The following PMS1 variants were observed in gnomAD, a reference collection of about 807,000 sequenced individuals.
The protein encoded by PMS1 is PMS1 homolog 1, mismatch repair system component, also known as PMS1 protein homolog 1.
PMS1 carries 79 observed loss-of-function variants against 93.1 expected under a neutral mutation model. That is an observed-to-expected ratio of 0.85 (90% CI 0.71 to 1.02). PMS1 has a LOEUF of 1.02. PMS1 is among the 50% of genes least tolerant of loss of function. The pLI is 0.00. For synonymous variants in PMS1, 335 were observed against 363.4 expected (o/e 0.92, Z 0.89); for missense variants, 1,064 against 1,085.3 (o/e 0.98, Z 0.28).
intron 6 of PMS1, among the ~76,000 whole-genome samples, chr2:189,846,892 TGC>T: frequency 6.6e-6 from 1 of 151,368 alleles, no homozygotes. Context: ...GACAGTCTCT[TGC>T]TCTGTCACCC....
At chr2:189,795,669 A>G in intron 2 of PMS1, 100 bp from the exon 3 acceptor site, 8 of 956,578 alleles carry the variant, frequency 8.4e-6, no homozygotes, top group Non-Finnish European at 1.3e-5. Context: ...GCTTCCATAA[A>G]AGTAAATAAA....
chr2:189,848,151 C>T (rs1253188701), intron 6 of PMS1, among the ~76,000 whole-genome samples: 1 of 152,150 alleles, frequency 6.6e-6, no homozygotes, highest in Non-Finnish European at 1.5e-5. Flanking sequence ...CTGCTGGATT[C>T]CTCGTAGCTT....
chr2:189,791,328 G>A (rs116275586), intron 1 of PMS1, among the ~76,000 whole-genome samples: 3,894 of 152,216 alleles, frequency 0.026, 77 homozygotes, highest in Non-Finnish European at 0.043. Flanking sequence ...ATAAGAAATA[G>A]AAGACTTATG....
Position 189,858,046 on chromosome 2 carries a change from G to T in PMS1, c.1856+2918G>T, listed in dbSNP as rs574499155. 1.4e-4 allele frequency among the ~76,000 whole-genome samples: 21 copies of T among 152,230 alleles called. No homozygotes were observed. In the East Asian group the frequency reaches 3.5e-3, roughly 25 times the overall value. Reference sequence around the variant, plus strand: ...GAAGGTGAGGGATGGATAATGGAAGGTTCTCAAAGCTATAACAAAGAGTTT... The same window carrying T: ...GAAGGTGAGGGATGGATAATGGAAGTTTCTCAAAGCTATAACAAAGAGTTT... On this transcript the variant is annotated intron_variant, in intron 9 of 12. Transcript: ENST00000441310.
intron 9 of PMS1, among the ~76,000 whole-genome samples, chr2:189,859,982 A>T (rs1344166694): frequency 1.3e-5 from 2 of 151,504 alleles, no homozygotes; most frequent in African/African-American, 4.8e-5. Context: ...TAAAGCAGAT[A>T]TATAAGGAAT....
chr2:189,786,325 G>A (rs563902084), intron 1 of PMS1, among the ~76,000 whole-genome samples: 9 of 152,248 alleles, frequency 5.9e-5, no homozygotes, highest in South Asian at 2.1e-4. Flanking sequence ...AACCCTATAG[G>A]TGGTTGAGAT....
intron 5 of PMS1, among the ~76,000 whole-genome samples, chr2:189,827,305 C>T (rs558196018): frequency 1.3e-5 from 2 of 152,122 alleles, no homozygotes; most frequent in African/African-American, 4.8e-5. Context: ...ACAATAATAC[C>T]CAGAGAATCC....
chr2:189,804,918 G>T (rs1016218965), intron 3 of PMS1, among the ~76,000 whole-genome samples: 1 of 151,712 alleles, frequency 6.6e-6, no homozygotes, highest in Non-Finnish European at 1.5e-5. Flanking sequence ...TCTGACAATG[G>T]CATATTTTAC....
chr2:189,875,651 CA>C (rs2106554880), intron 12 of PMS1, among the ~76,000 whole-genome samples: 1 of 151,914 alleles, frequency 6.6e-6, no homozygotes, highest in East Asian at 1.9e-4. Flanking sequence ...GGAAGACTGA[CA>C]ATAAAAAATT....
In PMS1 at chr2:189,844,217, C is replaced by G. The variant is rs1233259; in HGVS notation, c.699+137C>G. On this transcript the variant is annotated intron_variant, in intron 6 of 12. Coordinates refer to ENST00000441310, the MANE Select transcript of PMS1 (RefSeq NM_000534.5). ...AAATATGTGTGTAAGGTAAAACAGTCAATACAGAGCTTATGTTAAACCTCT... is the reference window on the plus strand; with the variant it reads ...AAATATGTGTGTAAGGTAAAACAGTGAATACAGAGCTTATGTTAAACCTCT... The G allele has an allele frequency of 6.6e-4, 913 of 1,375,582 alleles. 5 individuals carry two copies. The African/African-American group carries it at 0.012, about 19-fold the overall frequency. 85.2% of individuals were successfully genotyped at this position (1,375,582 alleles called of 1,614,324 possible).
chr2:189,798,012 C>T (rs1383180475), intron 3 of PMS1, among the ~76,000 whole-genome samples: 1 of 152,200 alleles, frequency 6.6e-6, no homozygotes, highest in East Asian at 1.9e-4. Context: ...ACAGCTTAGC[C>T]TAACCTACTT....
intron 5 of PMS1, among the ~76,000 whole-genome samples, chr2:189,838,950 G>A (rs546014736): frequency 2.6e-5 from 4 of 152,116 alleles, no homozygotes; most frequent in Admixed American, 6.5e-5. Flanking sequence ...CATGTCTTTC[G>A]TAAAAGCTGA....
At chr2:189,828,082 C>A (rs1251609271) in intron 5 of PMS1, among the ~76,000 whole-genome samples, 1 of 147,628 alleles carries the variant, frequency 6.8e-6, no homozygotes, top group African/African-American at 2.6e-5. Context: ...TACCACCACG[C>A]CCGGCTAATT....
intron 1 of PMS1, among the ~76,000 whole-genome samples, chr2:189,786,063 T>G (rs964008179): frequency 1.3e-5 from 2 of 152,024 alleles, no homozygotes; most frequent in Non-Finnish European, 2.9e-5. Context: ...AGGCAGAGGT[T>G]GCAGTGAGCC....
intron 5 of PMS1, among the ~76,000 whole-genome samples, chr2:189,842,954 C>A (rs979079721): frequency 6.7e-6 from 1 of 150,190 alleles, no homozygotes; most frequent in Non-Finnish European, 1.5e-5. Context: ...TTTGCAGATA[C>A]AAAGTATTTA....
intron 5 of PMS1, among the ~76,000 whole-genome samples, chr2:189,842,164 G>A (rs954788064): frequency 1.8e-4 from 28 of 151,616 alleles, no homozygotes; most frequent in Non-Finnish European, 5.9e-5. Flanking sequence ...CTTGATTGCC[G>A]TTTAGCCAGC....
chr2:189,867,857 AGATACAGT>A lies in PMS1; in HGVS notation c.2403_2410del (p.Tyr802IlefsTer6). The A allele has an allele frequency of 6.3e-7, 1 of 1,593,330 alleles. No homozygotes were observed. Among genetic ancestry groups the A allele is most frequent in the Non-Finnish European group, 8.6e-7 (1 of 1,161,202 alleles). ...ATATAAAATGACAGCAGATGACCAA[AGATACAGT>A]GGATCAACTTACCTGTCTGATCCTC... On this transcript the variant is annotated frameshift_variant, in exon 11 of 13. Coordinates refer to ENST00000441310, the MANE Select transcript of PMS1 (RefSeq NM_000534.5). LOFTEE classifies it high-confidence loss of function.
At chr2:189,831,789 A>T (rs1233266) in intron 5 of PMS1, among the ~76,000 whole-genome samples, 3,981 of 151,096 alleles carry the variant, frequency 0.026, 159 homozygotes, top group African/African-American at 0.085. Flanking sequence ...AAATTTAAAA[A>T]TTTTTTTTTT....
At chr2:189,796,967 A>T (rs1214963350) in intron 3 of PMS1, among the ~76,000 whole-genome samples, 1 of 152,220 alleles carries the variant, frequency 6.6e-6, no homozygotes, top group Non-Finnish European at 1.5e-5. Context: ...TTTTGCATTT[A>T]AAAATTGTAT....
Sources: gnomAD v4.1 joint callset for allele counts (sites outside exome capture counted in the v4.1 genomes callset) on GRCh38, gnomAD v4.1.1 for gene constraint, MANE v1.5 for transcripts, NCBI Gene and HGNC (gene_info 2026-07-23, HGNC 2026-07-21) for gene names.